Variants in STK39 observed in about 807,000 individuals in gnomAD.
The protein encoded by STK39 is STE20/SPS1-related proline-alanine-rich protein kinase.
In STK39, 20 loss-of-function variants were observed where a neutral mutation model predicts 77.8. The observed-to-expected ratio is 0.26, with a 90% CI of 0.18 to 0.37. The LOEUF (loss-of-function observed/expected upper bound fraction) is 0.37. Among genes scored for constraint, STK39 ranks in the 10% least tolerant of loss-of-function variants. The probability of loss-of-function intolerance (pLI) is 1.00; values close to 1 mark genes in which losing one functional copy is unlikely to be tolerated. For missense variants in STK39, 479 were observed against 656.5 expected, an observed-to-expected ratio of 0.73 and a Z score of 2.95; for synonymous variants, 246 against 234.1, an observed-to-expected ratio of 1.05 and a Z score of -0.47.
intron 16 of STK39, among the ~76,000 whole-genome samples, chr2:168,007,586 T>A: frequency 6.6e-6 from 1 of 151,426 alleles, no homozygotes; most frequent in African/African-American, 2.4e-5. Flanking sequence ...AGAAAGAGGG[T>A]AGAGAGTTGG....
chr2:168,140,719 A>G lies in STK39; in HGVS notation c.668T>C (p.Val223Ala), dbSNP rs1687959055. ...VSAFLATGGD[V>A]TRNKVRKTFV... ...TGTTTTTCTTACTTTATTTCGGGTAACATCACCCCCTGTTGCTAGGAACGC... is the reference window on the plus strand; with the variant it reads ...TGTTTTTCTTACTTTATTTCGGGTAGCATCACCCCCTGTTGCTAGGAACGC... Residue 223 changes from valine (V) to alanine (A), a missense_variant, in exon 6 of 18, where the codon GTT becomes GCT. Physicochemically the swap from Val to Ala is moderately conservative, Grantham distance 64 (BLOSUM62 0). This residue lies in a region of STK39 where 139 missense variants were observed against 280.6 expected (regional missense o/e 0.50). Transcript: ENST00000355999. 1 of 1,611,688 alleles carries G rather than the reference A, an allele frequency of 6.2e-7. No individual in the cohort carries two copies. Among genetic ancestry groups the G allele is most frequent in the Non-Finnish European group, 8.5e-7 (1 of 1,178,204 alleles).
chr2:168,195,377 G>A (rs1247779658), intron 1 of STK39, among the ~76,000 whole-genome samples: 2 of 152,134 alleles, frequency 1.3e-5, no homozygotes, highest in African/African-American at 4.8e-5. Flanking sequence ...TCCAGCCTGG[G>A]CAACAGAGCA....
chr2:168,014,932 A>G (rs1163397631), intron 15 of STK39, among the ~76,000 whole-genome samples: 1 of 152,248 alleles, frequency 6.6e-6, no homozygotes, highest in Non-Finnish European at 1.5e-5. Context: ...AGCATACAGC[A>G]TGTCCTTCTG....
chr2:168,093,833 T>C (rs1686590969), intron 10 of STK39, among the ~76,000 whole-genome samples: 1 of 152,148 alleles, frequency 6.6e-6, no homozygotes, highest in African/African-American at 2.4e-5. Flanking sequence ...AGCTCCTCAT[T>C]TGTGGGTGGT....
intron 8 of STK39, among the ~76,000 whole-genome samples, chr2:168,130,248 T>C (rs995382476): frequency 1.3e-5 from 2 of 152,204 alleles, no homozygotes; most frequent in African/African-American, 4.8e-5. Context: ...CAAGTGCATA[T>C]GGACTGCTGT....
intron 16 of STK39, among the ~76,000 whole-genome samples, chr2:167,990,886 G>A (rs1376809131): frequency 2.6e-5 from 4 of 152,140 alleles, no homozygotes; most frequent in African/African-American, 9.7e-5. Context: ...CAAAGTCACT[G>A]AATGACCCAC....
At chr2:168,054,267 T>C (rs764332556) in intron 14 of STK39, among the ~76,000 whole-genome samples, 3 of 152,202 alleles carry the variant, frequency 2.0e-5, no homozygotes, top group Non-Finnish European at 4.4e-5. Flanking sequence ...GACCAACATG[T>C]TAAACTGACC....
chr2:168,100,174 A>ACAAT (rs1259107836), intron 10 of STK39, among the ~76,000 whole-genome samples: 1 of 152,214 alleles, frequency 6.6e-6, no homozygotes, highest in Non-Finnish European at 1.5e-5. Context: ...TATTGCACTC[A>ACAAT]CAATTGGGAA....
At chr2:168,207,386 T>C (rs543232370) in intron 1 of STK39, among the ~76,000 whole-genome samples, 1 of 152,352 alleles carries the variant, frequency 6.6e-6, no homozygotes, top group Admixed American at 6.5e-5. Flanking sequence ...TGGACTGCTT[T>C]ATAAATATAC....
intron 14 of STK39, among the ~76,000 whole-genome samples, chr2:168,056,234 C>T (rs1474198225): frequency 6.6e-6 from 1 of 151,976 alleles, no homozygotes; most frequent in Non-Finnish European, 1.5e-5. Flanking sequence ...GAGAAATACA[C>T]TACCTGTAGC....
intron 14 of STK39, among the ~76,000 whole-genome samples, chr2:168,044,085 T>C (rs923745574): frequency 2.0e-5 from 3 of 152,236 alleles, no homozygotes; most frequent in Non-Finnish European, 4.4e-5. Context: ...CTGCAACATG[T>C]TAAAATGTAT....
intron 7 of STK39, among the ~76,000 whole-genome samples, chr2:168,139,551 T>C (rs1467904951): frequency 3.9e-5 from 6 of 152,124 alleles, no homozygotes; most frequent in African/African-American, 1.2e-4. Flanking sequence ...AGTATACTAC[T>C]TCTTTTAATC....
intron 5 of STK39, among the ~76,000 whole-genome samples, chr2:168,147,350 G>A (rs1688167792): frequency 6.6e-6 from 1 of 152,148 alleles, no homozygotes; most frequent in South Asian, 2.1e-4. Context: ...GCCTTCCCGA[G>A]TCCCACAGGT....
intron 1 of STK39, among the ~76,000 whole-genome samples, chr2:168,219,782 C>T (rs1690116951): frequency 6.6e-6 from 1 of 151,752 alleles, no homozygotes; most frequent in Admixed American, 6.6e-5. Flanking sequence ...AGACAGTGTT[C>T]ACAACTTGAT....
intron 12 of STK39, among the ~76,000 whole-genome samples, chr2:168,069,898 C>A (rs1574438173): frequency 1.3e-5 from 2 of 152,104 alleles, no homozygotes; most frequent in East Asian, 3.8e-4. Flanking sequence ...TTAATAGAAG[C>A]CTTAGCAAAT....
intron 10 of STK39, among the ~76,000 whole-genome samples, chr2:168,098,928 C>T (rs779003977): frequency 1.3e-5 from 2 of 152,226 alleles, no homozygotes; most frequent in African/African-American, 2.4e-5. Flanking sequence ...TCCGTCATAC[C>T]AGGCCATAGA....
intron 1 of STK39, among the ~76,000 whole-genome samples, chr2:168,212,420 C>T (rs79287200): frequency 0.018 from 2,691 of 152,258 alleles, 41 homozygotes; most frequent in Middle Eastern, 0.044. Flanking sequence ...CTGTTCTGAC[C>T]CACCTCTCCA....
intron 10 of STK39, among the ~76,000 whole-genome samples, chr2:168,107,028 T>A (rs1396606062): frequency 6.6e-6 from 1 of 152,180 alleles, no homozygotes; most frequent in Non-Finnish European, 1.5e-5. Flanking sequence ...GGTGGTTGCT[T>A]CATGTCACGT....
At chr2:168,114,449 T>G (rs142253208) in intron 10 of STK39, among the ~76,000 whole-genome samples, 1 of 152,180 alleles carries the variant, frequency 6.6e-6, no homozygotes, top group Non-Finnish European at 1.5e-5. Context: ...TCTGTTATAA[T>G]CTGCATAAGT....
Sources: allele counts gnomAD v4.1 joint callset (sites outside exome capture counted in the v4.1 genomes callset), GRCh38; gene constraint gnomAD v4.1.1; regional missense constraint gnomAD v4.1.1; transcripts MANE v1.5; gene names NCBI Gene and HGNC (gene_info 2026-07-23, HGNC 2026-07-21).